The following MADD variants were observed in gnomAD, a reference collection of about 807,000 sequenced individuals.
The protein encoded by MADD is MAP kinase activating death domain.
MADD carries 109 observed loss-of-function variants against 176.7 expected under a neutral mutation model. The ratio of observed to expected loss-of-function variants is 0.62; its 90% CI spans 0.53 to 0.72. The LOEUF (loss-of-function observed/expected upper bound fraction) is 0.72. Ranked by LOEUF, MADD falls within the 30% of genes least tolerant of loss-of-function variation. MADD has a pLI of 0.00. For missense variants in MADD, 1,914 were observed against 2,045.5 expected, an observed-to-expected ratio of 0.94 and a Z score of 1.24; for synonymous variants, 771 against 771.3, an observed-to-expected ratio of 1.00 and a Z score of 0.01.
chr11:47,318,662 G>T (rs1461944802), intron 27 of MADD, among the ~76,000 whole-genome samples: 1 of 152,168 alleles, frequency 6.6e-6, no homozygotes, highest in Non-Finnish European at 1.5e-5. Flanking sequence ...CCTCGAAGTG[G>T]TGCCATGCCA....
At chr11:47,288,435 G>A (rs1314636239) in intron 15 of MADD, among the ~76,000 whole-genome samples, 2 of 152,244 alleles carry the variant, frequency 1.3e-5, no homozygotes. Flanking sequence ...ATCCACATGT[G>A]GCCGGGTAGG....
intron 22 of MADD, among the ~76,000 whole-genome samples, chr11:47,300,552 C>T (rs2139961950): frequency 6.6e-6 from 1 of 151,638 alleles, no homozygotes; most frequent in East Asian, 1.9e-4. Context: ...GGCTGGAGTG[C>T]AATGGTGTGA....
At chr11:47,288,867 C>T in intron 15 of MADD, 101 bp from the exon 16 acceptor site, 1 of 898,650 alleles carries the variant, frequency 1.1e-6, no homozygotes, top group Non-Finnish European at 1.8e-6. Flanking sequence ...ATTCCTCAAG[C>T]TTTGGGAGAA....
Position 47,284,633 on chromosome 11 carries a change from C to G in MADD, c.2157+68C>G, listed in dbSNP as rs1260979378. On this transcript the variant is annotated intron_variant, in intron 12 of 32. Coordinates refer to ENST00000402192, the Ensembl canonical transcript of MADD. ...TGTGGGCCTCATCTATTAGGAAAGC[C>G]AGGCTGTAGCTATTCATTTGCTGCT... 27 of 1,535,154 alleles carry G rather than the reference C, an allele frequency of 1.8e-5. No homozygotes were observed. The Admixed American group carries it at 3.4e-4, about 19-fold the overall frequency.
intron 23 of MADD, 104 bp from the exon 27 acceptor site, chr11:47,309,177 T>G: frequency 6.4e-7 from 1 of 1,555,802 alleles, no homozygotes; most frequent in South Asian, 1.2e-5. Flanking sequence ...TGCCCTGGAA[T>G]TTGTAATTAT....
rs757133413 is a variant in MADD at position 47,278,962 on chromosome 11, C to T, written c.1210-37C>T. 12 of 1,583,450 alleles carry T rather than the reference C, an allele frequency of 7.6e-6. No homozygotes were observed. In the Admixed American group the frequency reaches 1.8e-4, roughly 24 times the overall value. ...GTAAGTGAAATTCCTGAGCAATAAA[C>T]TCTAAGGTCACGTCTTTTATCATTT... On this transcript the variant is annotated intron_variant, in intron 6 of 32. Coordinates refer to ENST00000402192, the Ensembl canonical transcript of MADD.
chr11:47,301,265 A>G (rs1055633213), intron 22 of MADD, among the ~76,000 whole-genome samples: 1 of 151,864 alleles, frequency 6.6e-6, no homozygotes, highest in African/African-American at 2.4e-5. Context: ...GGTGCCCACC[A>G]CCACAACCGG....
intron 31 of MADD, 148 bp from the exon 36 acceptor site, chr11:47,328,510 C>A: frequency 1.3e-6 from 2 of 1,505,740 alleles, no homozygotes; most frequent in Non-Finnish European, 1.8e-6. Flanking sequence ...TGGCCTCTGC[C>A]CTGTCATAGC....
intron 22 of MADD, among the ~76,000 whole-genome samples, chr11:47,306,434 G>A (rs2082682016): frequency 6.6e-6 from 1 of 152,176 alleles, no homozygotes; most frequent in Non-Finnish European, 1.5e-5. Flanking sequence ...GCATAGTATT[G>A]GCTCCTTCTC....
rs375295223 is a variant in MADD at position 47,305,145 on chromosome 11, A to G, written c.3643-3446A>G. Among the ~76,000 whole-genome samples the G allele has an allele frequency of 7.9e-5, 12 of 152,192 alleles. No individual in the cohort carries two copies. In the East Asian group the frequency reaches 1.2e-3, roughly 15 times the overall value. On this transcript the variant is annotated intron_variant, in intron 22 of 32. Transcript: ENST00000402192. Reference sequence around the variant, plus strand: ...TCCTCCTATTCTCATTTTCCTCACAATGGAGTGACTCAGCCAAGAGAATCC... The same window carrying G: ...TCCTCCTATTCTCATTTTCCTCACAGTGGAGTGACTCAGCCAAGAGAATCC...
chr11:47,297,244 G>A (rs1266783038), intron 22 of MADD, among the ~76,000 whole-genome samples: 1 of 152,108 alleles, frequency 6.6e-6, no homozygotes, highest in Non-Finnish European at 1.5e-5. Flanking sequence ...ATTTAAAACT[G>A]GTTATCATTC....
chr11:47,276,531 T>G (rs572739935), intron 4 of MADD, among the ~76,000 whole-genome samples: 1 of 152,176 alleles, frequency 6.6e-6, no homozygotes, highest in African/African-American at 2.4e-5. Context: ...AGGGAGTGAT[T>G]TGCATATCTC....
rs150034031 is a variant in MADD at position 47,293,773 on chromosome 11, C to T, written c.3302-110C>T. 6.2e-4 allele frequency: 423 copies of T among 685,694 alleles called. No homozygotes were observed. The African/African-American group carries it at 6.8e-3, about 11-fold the overall frequency. 42.5% of individuals were successfully genotyped at this position (685,694 alleles called of 1,614,324 possible). On this transcript the variant is annotated intron_variant, in intron 19 of 32. Coordinates refer to ENST00000402192, the Ensembl canonical transcript of MADD. The stretch of plus-strand genomic sequence containing the variant: ...TGGGGGGTAGTCCTTGGAAAGGTGA[C>T]TAGGATGGGCTGAACGGGTCTGGGA...
exon 17 of MADD, chr11:47,289,942 A>G (rs770911695): frequency 2.0e-5 from 32 of 1,614,186 alleles, no homozygotes; most frequent in East Asian, 1.1e-4. Context: ...TCAACATGAA[A>G]AAGGTGCGCC....
intron 27 of MADD, among the ~76,000 whole-genome samples, chr11:47,318,789 A>ATTTTTTTTT (rs57548484): frequency 1.2e-5 from 1 of 82,458 alleles, no homozygotes; most frequent in Non-Finnish European, 2.2e-5. Flanking sequence ...CAGTTTGGGA[A>ATTTTTTTTT]TTTTTTTTTT....
chr11:47,302,585 A>G (rs2078725766), intron 22 of MADD, among the ~76,000 whole-genome samples: 2 of 151,942 alleles, frequency 1.3e-5, no homozygotes, highest in East Asian at 1.9e-4. Flanking sequence ...TTTGGTTTCT[A>G]TTTGTGTGAA....
intron 10 of MADD, among the ~76,000 whole-genome samples, chr11:47,283,868 C>T (rs754825691): frequency 2.5e-4 from 38 of 152,258 alleles, no homozygotes; most frequent in Middle Eastern, 3.4e-3. Context: ...CCACTGCACC[C>T]GGCTACTTTT....
intron 25 of MADD, among the ~76,000 whole-genome samples, chr11:47,310,403 C>T (rs2087505206): frequency 1.3e-5 from 2 of 151,606 alleles, no homozygotes; most frequent in South Asian, 2.1e-4. Flanking sequence ...GCTGGTCTCT[C>T]GTACTTCTGA....
intron 15 of MADD, among the ~76,000 whole-genome samples, chr11:47,287,818 T>C (rs1592616967): frequency 7.9e-6 from 1 of 125,804 alleles, no homozygotes; most frequent in Non-Finnish European, 1.6e-5. Flanking sequence ...GAGACAAGAG[T>C]CTCGCTCTGT....
Sources: gnomAD v4.1 joint callset for allele counts (sites outside exome capture counted in the v4.1 genomes callset) on GRCh38, gnomAD v4.1.1 for gene constraint, MANE v1.5 for transcripts, NCBI Gene and HGNC (gene_info 2026-07-23, HGNC 2026-07-21) for gene names.